The following CA6 variants were observed in gnomAD, a reference collection of about 807,000 sequenced individuals.
CA6 encodes the protein carbonic anhydrase 6.
A neutral mutation model predicts 35.9 loss-of-function variants in CA6; 28 were observed. The ratio of observed to expected loss-of-function variants is 0.78; its 90% CI spans 0.58 to 1.07. The LOEUF (loss-of-function observed/expected upper bound fraction) is 1.07. Among genes scored for constraint, CA6 ranks in the 50% least tolerant of loss-of-function variants. CA6 has a pLI of 0.00. For missense variants in CA6, 377 were observed against 382.0 expected, an observed-to-expected ratio of 0.99 and a Z score of 0.11; for synonymous variants, 148 against 152.6, an observed-to-expected ratio of 0.97 and a Z score of 0.22.
intron 7 of CA6, 198 bp from the exon 8 acceptor site, chr1:8,974,424 C>G: frequency 6.5e-7 from 1 of 1,533,912 alleles, no homozygotes; most frequent in Non-Finnish European, 8.7e-7. Context: ...CCCCTTGGCT[C>G]TGGGCAGCTT....
chr1:8,972,775 T>G (rs2124197319), intron 7 of CA6, among the ~76,000 whole-genome samples: 1 of 152,296 alleles, frequency 6.6e-6, no homozygotes, highest in East Asian at 1.9e-4. Flanking sequence ...CCACCTTTCC[T>G]TCCTGGTTCA....
intron 4 of CA6, among the ~76,000 whole-genome samples, chr1:8,960,789 C>CACACACACACACACACACATATAT (rs59987426): frequency 6.0e-5 from 7 of 116,978 alleles, no homozygotes; most frequent in African/African-American, 1.0e-4. Context: ...CACACACACA[C>CACACACACACACACACACATATAT]ATATATATAA....
chr1:8,953,439 T>C (rs984823748), intron 2 of CA6, among the ~76,000 whole-genome samples: 2 of 152,056 alleles, frequency 1.3e-5, no homozygotes, highest in East Asian at 1.9e-4. Flanking sequence ...GCCTGGGCAA[T>C]GTAGTGAGAC....
chr1:8,961,458 C>T (rs2124170900), intron 4 of CA6, among the ~76,000 whole-genome samples: 1 of 152,074 alleles, frequency 6.6e-6, no homozygotes, highest in South Asian at 2.1e-4. Context: ...AGCAAAGTTG[C>T]TATATTTTAC....
rs1639895856 is a variant in CA6, at chr1:8,963,465, T to G, written c.571+809T>G. ...AGACCAACTCTGGAGTTTTTTTAGT[T>G]ATTTTCTTAGTGGTTGGCTGGCAGC... On this transcript the variant is annotated intron_variant, in intron 5 of 7. Coordinates refer to ENST00000377443, the MANE Select transcript of CA6 (RefSeq NM_001215.4). The surrounding 1 kb of genome is among the most constrained non-coding windows in gnomAD (Gnocchi z 4.1). 6.6e-6 allele frequency among the ~76,000 whole-genome samples: 1 copy of G among 152,170 alleles called. No homozygotes were observed. The highest frequency in any genetic ancestry group is 2.4e-5 in the African/African-American group (1 of 41,440).
intron 6 of CA6, 58 bp downstream of exon 6, chr1:8,967,874 G>T: frequency 5.2e-6 from 8 of 1,530,004 alleles, no homozygotes; most frequent in Non-Finnish European, 7.2e-6. Flanking sequence ...GTTAACAAGG[G>T]TTCTCCCCAG....
At chr1:8,967,036 T>C (rs1367431608) in intron 5 of CA6, among the ~76,000 whole-genome samples, 1 of 152,014 alleles carries the variant, frequency 6.6e-6, no homozygotes, top group Non-Finnish European at 1.5e-5. Context: ...TTGCCCAGGC[T>C]GGTCTTGAAC....
At chr1:8,951,929 C>T (rs1332811772) in intron 2 of CA6, 1 of 187,950 alleles carries the variant, frequency 5.3e-6, no homozygotes, top group Non-Finnish European at 1.1e-5. Flanking sequence ...AAGCAATTCT[C>T]CTGCCTCAGC....
rs772700668 is a variant in CA6, at chr1:8,970,957, G to A, written c.820G>A (p.Val274Met). ...RRTQPLNHRV[V>M]ESNFPNQEYT... is the part of the protein sequence containing the mutation. ...GACCCAGCCCCTGAACCACAGAGTG[G>A]TGGAATCCAACTTCCCGAATCAGGG... Residue 274 changes from valine to methionine, a missense_variant, in exon 7 of 8, where the codon GTG (valine) becomes ATG (methionine). Physicochemically the swap from Val to Met is conservative, Grantham distance 21. Transcript: ENST00000377443. The A allele has an allele frequency of 9.3e-6, 15 of 1,613,418 alleles. No individual in the cohort carries two copies. The highest frequency in any genetic ancestry group is 1.3e-5 in the Non-Finnish European group (15 of 1,179,392).
At chr1:8,965,822 G>A (rs1269884370) in intron 5 of CA6, among the ~76,000 whole-genome samples, 2 of 151,620 alleles carry the variant, frequency 1.3e-5, no homozygotes, top group African/African-American at 4.9e-5. Flanking sequence ...GGGAGGCAGA[G>A]GTTGCAGTGA....
intron 2 of CA6, among the ~76,000 whole-genome samples, chr1:8,950,651 T>C (rs11121276): frequency 0.015 from 2,335 of 152,118 alleles, 84 homozygotes; most frequent in African/African-American, 0.053. Context: ...GGAGGATCAC[T>C]TGATGCCAGA....
chr1:8,951,524 A>G, intron 2 of CA6: 1 of 765,206 alleles, frequency 1.3e-6, no homozygotes, highest in African/African-American at 1.7e-5. Flanking sequence ...CTCCCTGGAC[A>G]GCTGGTGGGA....
chr1:8,951,009 A>G (rs948148685), intron 2 of CA6, among the ~76,000 whole-genome samples: 4 of 152,144 alleles, frequency 2.6e-5, no homozygotes, highest in African/African-American at 9.7e-5. Flanking sequence ...TGAGGTCAGG[A>G]GTTCGAGACT....
intron 3 of CA6, 23 bp from the exon 4 acceptor site, chr1:8,958,887 C>T (rs1411769478): frequency 1.1e-5 from 15 of 1,322,188 alleles, no homozygotes; most frequent in Non-Finnish European, 1.5e-5. Context: ...CTGCCCTTGA[C>T]CCACTCTACC....
At chr1:8,965,589 C>G in intron 5 of CA6, among the ~76,000 whole-genome samples, 1 of 151,918 alleles carries the variant, frequency 6.6e-6, no homozygotes, top group East Asian at 1.9e-4. Context: ...AATTTCATTC[C>G]TTTTAAAGGC....
chr1:8,947,933 C>T (rs533256687), intron 1 of CA6, among the ~76,000 whole-genome samples: 3 of 151,880 alleles, frequency 2.0e-5, no homozygotes, highest in African/African-American at 7.3e-5. Flanking sequence ...CAACCTCTGC[C>T]TCCTGGGTTC....
chr1:8,969,870 A>C (rs1000448919), intron 6 of CA6, among the ~76,000 whole-genome samples: 1 of 152,166 alleles, frequency 6.6e-6, no homozygotes, highest in Admixed American at 6.5e-5. Flanking sequence ...GCCAATATAG[A>C]ATTGTATGTG....
chr1:8,966,644 T>C (rs184890362), intron 5 of CA6, among the ~76,000 whole-genome samples: 5 of 152,358 alleles, frequency 3.3e-5, no homozygotes, highest in South Asian at 2.1e-4. Context: ...AACAGGCCTA[T>C]CTACGTATGT....
chr1:8,966,626 C>T (rs1162209006), intron 5 of CA6, among the ~76,000 whole-genome samples: 10 of 152,152 alleles, frequency 6.6e-5, no homozygotes, highest in Admixed American at 5.9e-4. Flanking sequence ...ACATTGTGGC[C>T]TTGGTTGAAC....
Sources: gnomAD v4.1 joint callset for allele counts (sites outside exome capture counted in the v4.1 genomes callset) on GRCh38, gnomAD v4.1.1 for gene constraint, Gnocchi (gnomAD v3.1) non-coding constraint, MANE v1.5 for transcripts, NCBI Gene and HGNC (gene_info 2026-07-23, HGNC 2026-07-21) for gene names.